NBEA: variants seen among roughly 807,000 people sequenced by gnomAD.
NBEA encodes lysosomal-trafficking regulator 2.
A neutral mutation model predicts 343.4 loss-of-function variants in NBEA; 44 were observed. The ratio of observed to expected loss-of-function variants is 0.13; its 90% CI spans 0.10 to 0.16. NBEA has a LOEUF of 0.16. Ranked by LOEUF, NBEA falls within the 10% of genes least tolerant of loss-of-function variation. The pLI is 1.00. For missense variants in NBEA, 2,555 were observed against 3,631.3 expected (o/e 0.70, Z 7.62); for synonymous variants, 1,175 against 1,238.7 (o/e 0.95, Z 1.08).
intron 30 of NBEA, among the ~76,000 whole-genome samples, chr13:35,191,446 A>G (rs774247518): frequency 1.3e-4 from 20 of 152,212 alleles, no homozygotes; most frequent in Middle Eastern, 3.4e-3. Context: ...TAATTCCTGA[A>G]GTTGTATTCT....
At chr13:35,634,902 C>G (rs1303517114) in intron 49 of NBEA, among the ~76,000 whole-genome samples, 1 of 152,044 alleles carries the variant, frequency 6.6e-6, no homozygotes, top group South Asian at 2.1e-4. Flanking sequence ...AGGAAGTAGG[C>G]TAGATTACTT....
At chr13:35,324,791 A>G (rs2038424340) in intron 36 of NBEA, among the ~76,000 whole-genome samples, 1 of 152,120 alleles carries the variant, frequency 6.6e-6, no homozygotes, top group East Asian at 1.9e-4. Context: ...AGAAGGAGCT[A>G]TTTCATTGGG....
intron 35 of NBEA, among the ~76,000 whole-genome samples, chr13:35,292,872 C>T (rs924681076): frequency 7.2e-5 from 11 of 151,808 alleles, no homozygotes; most frequent in African/African-American, 2.7e-4. Context: ...CAAATTTAGA[C>T]AAGCCATTGA....
chr13:35,163,919 C>T (rs1001429896), intron 23 of NBEA, among the ~76,000 whole-genome samples: 3 of 151,876 alleles, frequency 2.0e-5, no homozygotes, highest in Non-Finnish European at 4.4e-5. Flanking sequence ...TTTAGGTTTT[C>T]GGTTTCAAAT....
chr13:35,290,496 T>C (rs201660356), intron 35 of NBEA, 46 bp downstream of exon 35: 3 of 1,334,882 alleles, frequency 2.2e-6, no homozygotes, highest in African/African-American at 2.9e-5. Flanking sequence ...TGAGGGTTTT[T>C]TGTGACTAAT....
At chr13:35,451,299 G>A (rs945759062) in intron 39 of NBEA, among the ~76,000 whole-genome samples, 3 of 151,826 alleles carry the variant, frequency 2.0e-5, no homozygotes, top group African/African-American at 7.3e-5. Context: ...AATTTTTTGC[G>A]TTTTTAGTAG....
chr13:34,968,305 G>A (rs1467657395), intron 1 of NBEA, among the ~76,000 whole-genome samples: 6 of 152,048 alleles, frequency 3.9e-5, no homozygotes, highest in Admixed American at 2.6e-4. Context: ...TATGGGCCAC[G>A]TAATTGAACT....
In NBEA at chr13:34,976,381, A is replaced by T. The variant is rs538657034; in HGVS notation, c.294+33267A>T. Among the ~76,000 whole-genome samples, 262 of 152,250 alleles carry T rather than the reference A, an allele frequency of 1.7e-3. 1 individual carries two copies. The highest frequency in any genetic ancestry group is 6.1e-3 in the African/African-American group (255 of 41,562). ...TGTGAGAGCTAACCTACGAGGACACAAAGGCCTAAGAATGATACATTGGAG... is the reference window on the plus strand; with the variant it reads ...TGTGAGAGCTAACCTACGAGGACACTAAGGCCTAAGAATGATACATTGGAG... On this transcript the variant is annotated intron_variant, in intron 1 of 58. Coordinates refer to ENST00000379939, the MANE Select transcript of NBEA (RefSeq NM_001385012.1).
chr13:35,646,138 CGT>C (rs1260291644), intron 50 of NBEA, 119 bp from the exon 51 acceptor site: 3 of 786,106 alleles, frequency 3.8e-6, no homozygotes, highest in Non-Finnish European at 4.2e-6. Context: ...AAAGAGCACC[CGT>C]TGAATTTTCT....
chr13:35,353,376 A>T (rs2040303377), intron 38 of NBEA, among the ~76,000 whole-genome samples: 1 of 152,078 alleles, frequency 6.6e-6, no homozygotes, highest in African/African-American at 2.4e-5. Flanking sequence ...CAGAGGTTGC[A>T]GTGAGCCGAG....
chr13:35,124,722 A>G (rs1277449145), intron 17 of NBEA, among the ~76,000 whole-genome samples: 1 of 151,708 alleles, frequency 6.6e-6, no homozygotes, highest in Non-Finnish European at 1.5e-5. Context: ...ATGGATATAT[A>G]TACACATATG....
intron 46 of NBEA, among the ~76,000 whole-genome samples, chr13:35,591,151 C>A (rs981527570): frequency 6.6e-6 from 1 of 151,590 alleles, no homozygotes; most frequent in African/African-American, 2.4e-5. Context: ...ATTGTCATTC[C>A]CAGTTTACAT....
At chr13:35,205,740 G>A (rs74048944) in intron 31 of NBEA, among the ~76,000 whole-genome samples, 6,808 of 152,034 alleles carry the variant, frequency 0.045, 178 homozygotes, top group South Asian at 0.078. Context: ...AGCAATACTC[G>A]TAATAGCTAA....
rs981173825 is a variant in NBEA, at chr13:35,668,389, G to A, written c.8683G>A (p.Gly2895Ser). ...STRAILLSSD[G>S]QNLVTGGDNG... The stretch of plus-strand genomic sequence containing the variant: ...GAAGGCCATTCTCCTGAGCAGTGAC[G>A]GCCAGAACCTGGTCACCGGAGGGGA... The change falls in exon 58 of 59, where the codon GGC becomes AGC. Residue 2895 changes from glycine (G) to serine (S), a missense_variant. By Grantham distance (56) the Gly-to-Ser change is moderately conservative. Coordinates refer to ENST00000379939, the MANE Select transcript of NBEA (RefSeq NM_001385012.1). 1 of 1,608,468 alleles carries A rather than the reference G, an allele frequency of 6.2e-7. No homozygotes were observed. The highest frequency in any genetic ancestry group is 8.5e-7 in the Non-Finnish European group (1 of 1,177,130).
At chr13:35,415,688 T>C (rs1386451674) in intron 38 of NBEA, among the ~76,000 whole-genome samples, 1 of 152,136 alleles carries the variant, frequency 6.6e-6, no homozygotes, top group Non-Finnish European at 1.5e-5. Flanking sequence ...GCTTTGTTCT[T>C]TTGGCTTAGG....
chr13:35,299,944 G>A (rs1045050300), intron 35 of NBEA, among the ~76,000 whole-genome samples: 5 of 152,092 alleles, frequency 3.3e-5, no homozygotes, highest in African/African-American at 1.2e-4. Flanking sequence ...TAGAGTGCTA[G>A]GACAGGGACT....
At chr13:35,544,777 A>C (rs2078992013) in intron 41 of NBEA, among the ~76,000 whole-genome samples, 2 of 152,204 alleles carry the variant, frequency 1.3e-5, no homozygotes, top group Non-Finnish European at 2.9e-5. Flanking sequence ...CACTTAAGAA[A>C]ATCACAAAGT....
rs1005289572 is a variant in NBEA at position 35,048,649 on chromosome 13, T to C, written c.810T>C (p.Asn270=). The stretch of plus-strand genomic sequence containing the variant: ...GGTTTCGTATGGATCCATTAAATAA[T>C]ATTAATGTTGATAAGGATAAACCTT... The part of the protein sequence containing the change: ...NTWFRMDPLN[N]INVDKDKPYL... Residue 270 remains asparagine (N), a synonymous_variant, in exon 5 of 59, where the codon AAT becomes AAC. Transcript: ENST00000379939. 3.5e-6 allele frequency: 5 copies of C among 1,436,458 alleles called. No homozygotes were observed. Among genetic ancestry groups the C allele is most frequent in the Non-Finnish European group, 4.9e-6 (5 of 1,027,390 alleles). The allele number at this position is 1,436,458 out of a possible 1,614,324, so 89.0% of individuals were successfully genotyped here.
chr13:35,261,462 G>T (rs1381625189), intron 34 of NBEA, among the ~76,000 whole-genome samples: 6 of 152,128 alleles, frequency 3.9e-5, no homozygotes, highest in Admixed American at 3.9e-4. Flanking sequence ...AGTGAGCCAA[G>T]ATTGTACCAC....
Sources: allele counts gnomAD v4.1 joint callset (sites outside exome capture counted in the v4.1 genomes callset), GRCh38; gene constraint gnomAD v4.1.1; transcripts MANE v1.5; gene names NCBI Gene and HGNC (gene_info 2026-07-23, HGNC 2026-07-21).